YEATS2: variants seen among roughly 807,000 people sequenced by gnomAD.
YEATS2 encodes the protein YEATS domain containing 2.
Under a neutral mutation model 163.2 loss-of-function variants are expected in YEATS2, and 77 were observed. The ratio of observed to expected loss-of-function variants is 0.47; its 90% CI spans 0.39 to 0.57. YEATS2 has a LOEUF of 0.57. Ranked by LOEUF, YEATS2 falls within the 20% of genes least tolerant of loss-of-function variation. YEATS2 has a pLI of 0.00. For missense variants in YEATS2, 1,549 were observed against 1,729.8 expected (o/e 0.90, Z 1.85); for synonymous variants, 631 against 645.1 (o/e 0.98, Z 0.33).
intron 29 of YEATS2, chr3:183,808,879 A>C (rs1337675573): frequency 2.2e-5 from 11 of 498,102 alleles, no homozygotes; most frequent in Non-Finnish European, 4.0e-5. Flanking sequence ...AAATAGAATA[A>C]TGTCTGATTA....
chr3:183,715,914 G>A (rs1244570090), intron 2 of YEATS2, among the ~76,000 whole-genome samples: 1 of 152,148 alleles, frequency 6.6e-6, no homozygotes, highest in Non-Finnish European at 1.5e-5. Flanking sequence ...TTGTTCCTCA[G>A]AATGTCTTAA....
At chr3:183,698,361 G>T (rs1286793352) in intron 1 of YEATS2, among the ~76,000 whole-genome samples, 2 of 152,180 alleles carry the variant, frequency 1.3e-5, no homozygotes, top group African/African-American at 4.8e-5. Context: ...TTACCGAAAG[G>T]ATCCTGGAAT....
At chr3:183,758,187 T>G (rs772250925) in intron 12 of YEATS2, among the ~76,000 whole-genome samples, 4 of 151,974 alleles carry the variant, frequency 2.6e-5, no homozygotes, top group African/African-American at 4.8e-5. Flanking sequence ...GCGAAACCCA[T>G]CTCCACTAAA....
intron 6 of YEATS2, among the ~76,000 whole-genome samples, chr3:183,725,218 T>C (rs987739805): frequency 3.9e-5 from 6 of 152,088 alleles, no homozygotes; most frequent in Non-Finnish European, 5.9e-5. Flanking sequence ...AAGATGTTTG[T>C]TCCAAAATAT....
At chr3:183,704,394 CT>C (rs1714412331) in intron 1 of YEATS2, among the ~76,000 whole-genome samples, 1 of 152,046 alleles carries the variant, frequency 6.6e-6, no homozygotes, top group African/African-American at 2.4e-5. Context: ...CTGATGGTGA[CT>C]TTTGACCACA....
At chr3:183,729,293 T>C (rs896552656) in intron 7 of YEATS2, among the ~76,000 whole-genome samples, 1 of 151,600 alleles carries the variant, frequency 6.6e-6, no homozygotes, top group Non-Finnish European at 1.5e-5. Flanking sequence ...AAAAGGTAGT[T>C]GTAGTTCACT....
intron 11 of YEATS2, among the ~76,000 whole-genome samples, chr3:183,754,885 G>A (rs1216622053): frequency 6.6e-6 from 1 of 152,122 alleles, no homozygotes; most frequent in Non-Finnish European, 1.5e-5. Flanking sequence ...CCTTGTGATA[G>A]TTTCATTTTA....
chr3:183,770,021 A>G (rs1248615544), intron 15 of YEATS2, among the ~76,000 whole-genome samples: 1 of 151,884 alleles, frequency 6.6e-6, no homozygotes, highest in African/African-American at 2.4e-5. Context: ...ATATTATCCA[A>G]CTGCATGGTA....
chr3:183,787,544 G>T (rs922525590), intron 20 of YEATS2, among the ~76,000 whole-genome samples: 7 of 151,918 alleles, frequency 4.6e-5, no homozygotes, highest in Admixed American at 1.3e-4. Flanking sequence ...TTTTTAGTTG[G>T]TTGTCTTTTA....
chr3:183,704,411 A>G (rs1324859243), intron 1 of YEATS2, among the ~76,000 whole-genome samples: 3 of 151,974 alleles, frequency 2.0e-5, no homozygotes, highest in Admixed American at 1.3e-4. Flanking sequence ...CCACATTTCC[A>G]TAGGTTTGGA....
intron 25 of YEATS2, 64 bp downstream of exon 25, chr3:183,801,592 C>A: frequency 8.0e-7 from 1 of 1,255,734 alleles, no homozygotes; most frequent in Non-Finnish European, 1.1e-6. Context: ...GGTATTGAGT[C>A]AACTGAAATC....
At chr3:183,805,413 G>C (rs1413799576) in intron 27 of YEATS2, among the ~76,000 whole-genome samples, 1 of 151,910 alleles carries the variant, frequency 6.6e-6, no homozygotes, top group East Asian at 1.9e-4. Flanking sequence ...AAAATAAAAA[G>C]AAAAGTTGTT....
Position 183,772,529 on chromosome 3 carries a change from C to G in YEATS2, c.2172C>G (p.Ala724=), listed in dbSNP as rs766929667. 1.2e-6 allele frequency: 2 copies of G among 1,613,896 alleles called. No individual in the cohort carries two copies. The highest frequency in any genetic ancestry group is 1.3e-5 in the African/African-American group (1 of 74,874). ...VQTLTKAQVT[A]AGPQKSGSQG... ...CCTTAACCAAGGCCCAGGTTACTGC[C>G]GCTGGTCCTCAGAAGAGTGGATCCC... Residue 724 remains alanine, a synonymous_variant, in exon 16 of 31, where the codon GCC becomes GCG. Transcript: ENST00000305135.
chr3:183,728,750 T>C lies in YEATS2; in HGVS notation c.711T>C (p.Tyr237=). ...NDQSTHKWMV[Y]VRGSRREPSI... is the part of the protein sequence containing the mutation. ...AGTCAACTCATAAGTGGATGGTATA[T>C]GTCCGAGGGTCCCGTAGAGAACCCA... The change falls in exon 7 of 31, where the codon TAT becomes TAC. Residue 237 remains tyrosine (Y), a synonymous_variant. Transcript: ENST00000305135. 3 of 1,614,198 alleles carry C rather than the reference T, an allele frequency of 1.9e-6. No homozygotes were observed. The highest frequency in any genetic ancestry group is 2.2e-5 in the East Asian group (1 of 44,878).
chr3:183,722,382 G>A (rs947345921), intron 5 of YEATS2, among the ~76,000 whole-genome samples: 2 of 144,240 alleles, frequency 1.4e-5, no homozygotes, highest in Non-Finnish European at 3.0e-5. Flanking sequence ...TCCGCCTCCC[G>A]GGTTCACGCC....
intron 8 of YEATS2, among the ~76,000 whole-genome samples, chr3:183,742,969 AG>A (rs1168254395): frequency 1.3e-5 from 2 of 152,232 alleles, no homozygotes; most frequent in Non-Finnish European, 2.9e-5. Context: ...CTTTTTAGCA[AG>A]AAAGTATTTT....
At chr3:183,804,530 C>A (rs1560338276) in intron 27 of YEATS2, among the ~76,000 whole-genome samples, 2 of 152,186 alleles carry the variant, frequency 1.3e-5, no homozygotes, top group Non-Finnish European at 2.9e-5. Flanking sequence ...CTTAGGGACA[C>A]CCCCCATGCC....
intron 9 of YEATS2, among the ~76,000 whole-genome samples, chr3:183,750,255 C>T (rs1015274052): frequency 2.0e-5 from 3 of 152,224 alleles, no homozygotes; most frequent in Non-Finnish European, 4.4e-5. Context: ...CATTGTGCCC[C>T]GCCCCTCTTC....
chr3:183,789,524 A>AGTTTTTTTTTTTTTTTTTTTT (rs1560317945), intron 20 of YEATS2, among the ~76,000 whole-genome samples: 1 of 77,062 alleles, frequency 1.3e-5, no homozygotes. Flanking sequence ...CATTCGAGTT[A>AGTTTTTTTTTTTTTTTTTTTT]ATTTTTTTTT....
Sources: gnomAD v4.1 joint callset for allele counts (sites outside exome capture counted in the v4.1 genomes callset) on GRCh38, gnomAD v4.1.1 for gene constraint, MANE v1.5 for transcripts, NCBI Gene and HGNC (gene_info 2026-07-23, HGNC 2026-07-21) for gene names.